The following PPP4R3A variants were observed in gnomAD, a reference collection of about 807,000 sequenced individuals.
PPP4R3A encodes the protein protein phosphatase 4 regulatory subunit 3A.
A neutral mutation model predicts 91.7 loss-of-function variants in PPP4R3A; 15 were observed. That is an observed-to-expected ratio of 0.16 (90% CI 0.11 to 0.25). The LOEUF (loss-of-function observed/expected upper bound fraction) is 0.25. Ranked by LOEUF, PPP4R3A falls within the 10% of genes least tolerant of loss-of-function variation. PPP4R3A has a pLI of 1.00. For missense variants in PPP4R3A, 623 were observed against 998.4 expected (o/e 0.62, Z 5.07); for synonymous variants, 377 against 348.7 (o/e 1.08, Z -0.91).
At chr14:91,460,637 C>T (rs1252334229) in intron 14 of PPP4R3A, among the ~76,000 whole-genome samples, 40 of 111,256 alleles carry the variant, frequency 3.6e-4, no homozygotes, top group African/African-American at 7.9e-4. Flanking sequence ...GATTTTGTTC[C>T]TTTTTTTTTT....
intron 3 of PPP4R3A, among the ~76,000 whole-genome samples, chr14:91,484,955 T>C (rs987384664): frequency 6.6e-6 from 1 of 151,890 alleles, no homozygotes; most frequent in Non-Finnish European, 1.5e-5. Flanking sequence ...ATTAAGAACA[T>C]TCGAGCCTAG....
rs1887871087 is a variant in PPP4R3A at position 91,458,011 on chromosome 14, T to C, written c.*748A>G. On this transcript the variant is annotated 3_prime_UTR_variant, in exon 15 of 15. Coordinates refer to ENST00000554943, the MANE Select transcript of PPP4R3A (RefSeq NM_001366432.2). ...CAGGTACCAGCACAACGTTAGGTTA[T>C]ATTACATCAAAAAAAGTTTTAATGG... is the stretch of plus-strand genomic sequence containing the variant. 6.6e-6 allele frequency: 1 copy of C among 152,496 alleles called. No homozygotes were observed. Among genetic ancestry groups the C allele is most frequent in the Admixed American group, 6.5e-5 (1 of 15,268 alleles). The allele number at this position is 152,496 out of a possible 1,614,324, so 9.4% of individuals were successfully genotyped here.
At chr14:91,475,580 C>CA (rs964892758) in intron 7 of PPP4R3A, 619 of 287,084 alleles carry the variant, frequency 2.2e-3, no homozygotes, top group East Asian at 3.1e-3. Flanking sequence ...CAAAACAAAA[C>CA]AAAAAAAAAC....
rs1887939627 is a variant in PPP4R3A, at chr14:91,458,885, GATTA to G, written c.2392-20_2392-17del. The G allele has an allele frequency of 1.3e-6, 2 of 1,582,856 alleles. No homozygotes were observed. Among genetic ancestry groups the G allele is most frequent in the Middle Eastern group, 2.0e-4 (1 of 4,988 alleles). Reference sequence around the variant, plus strand: ...CGAGGCCTCCCTGTTAAGAAATAAGGATTATTTAAAGAACAGAAAATAAAACATA... The same window carrying G: ...CGAGGCCTCCCTGTTAAGAAATAAGGTTTAAAGAACAGAAAATAAAACATA... On this transcript the variant is annotated splice_polypyrimidine_tract_variant and intron_variant, in intron 14 of 14. Coordinates refer to ENST00000554943, the MANE Select transcript of PPP4R3A (RefSeq NM_001366432.2).
intron 1 of PPP4R3A, among the ~76,000 whole-genome samples, chr14:91,495,864 A>T (rs1410669137): frequency 2.6e-5 from 4 of 152,284 alleles, no homozygotes; most frequent in South Asian, 2.1e-4. Context: ...GGTTGCAGTG[A>T]GCCAAGATCA....
In PPP4R3A at chr14:91,497,341, TACACACACACACAC is replaced by T. The variant is rs10542688; in HGVS notation, c.143-6553_143-6540del. On this transcript the variant is annotated intron_variant, in intron 1 of 14. Transcript: ENST00000554943. ...TATCTCCCAAGAGGAATCTTTTATT[TACACACACACACAC>T]ACACACACACACACACACACACACG... is the stretch of plus-strand genomic sequence containing the variant. Among the ~76,000 whole-genome samples the T allele has an allele frequency of 4.0e-3, 598 of 148,506 alleles. 8 individuals carry two copies. Among genetic ancestry groups the T allele is most frequent in the East Asian group, 0.014 (68 of 4,996 alleles).
intron 11 of PPP4R3A, among the ~76,000 whole-genome samples, chr14:91,463,861 G>C (rs1888312533): frequency 6.6e-6 from 1 of 152,122 alleles, no homozygotes; most frequent in Non-Finnish European, 1.5e-5. Flanking sequence ...CATCACCCAG[G>C]TAGTAAGCAC....
At chr14:91,492,946 G>A (rs1366339361) in intron 1 of PPP4R3A, among the ~76,000 whole-genome samples, 1 of 152,164 alleles carries the variant, frequency 6.6e-6, no homozygotes. Flanking sequence ...GCAGCAGGTG[G>A]CCAGGTGCGG....
intron 1 of PPP4R3A, 142 bp downstream of exon 1, chr14:91,509,364 G>T: frequency 8.4e-7 from 1 of 1,191,978 alleles, no homozygotes; most frequent in Non-Finnish European, 1.2e-6. Context: ...GGGGTACCTG[G>T]GGCCCGTCCT....
chr14:91,497,349 CACACACACA>C (rs1890640133), intron 1 of PPP4R3A, among the ~76,000 whole-genome samples: 1 of 19,376 alleles, frequency 5.2e-5, no homozygotes, highest in Non-Finnish European at 1.4e-4. Context: ...TTTACACACA[CACACACACA>C]CACACACACA....
At chr14:91,489,728 C>G (rs1015222613) in intron 2 of PPP4R3A, among the ~76,000 whole-genome samples, 1 of 152,158 alleles carries the variant, frequency 6.6e-6, no homozygotes, top group Admixed American at 6.5e-5. Context: ...ATTCCAGGCT[C>G]TAGATTTTTC....
At chr14:91,470,767 T>A in intron 10 of PPP4R3A, 70 bp downstream of exon 10, 1 of 1,538,214 alleles carries the variant, frequency 6.5e-7, no homozygotes, top group South Asian at 1.2e-5. Context: ...GGTCTTTTCA[T>A]TTGGGCAATA....
intron 1 of PPP4R3A, among the ~76,000 whole-genome samples, chr14:91,495,602 T>A (rs1288066612): frequency 6.6e-6 from 1 of 152,004 alleles, no homozygotes. Context: ...AAAATTAGAT[T>A]GTGGTGATGG....
rs1026303569 is a variant in PPP4R3A, at chr14:91,504,559, G to A, written c.142+4947C>T. Among the ~76,000 whole-genome samples the A allele has an allele frequency of 2.0e-5, 3 of 151,104 alleles. No homozygotes were observed. The East Asian group carries it at 5.8e-4, about 29-fold the overall frequency. Reference sequence around the variant, plus strand: ...GGAGGTTGCAGTGAGCCGAGATTGTGCCATTGCACTCCGGCCTAAGTGACA... The same window carrying A: ...GGAGGTTGCAGTGAGCCGAGATTGTACCATTGCACTCCGGCCTAAGTGACA... On this transcript the variant is annotated intron_variant, in intron 1 of 14. Transcript: ENST00000554943.
rs1025873617 is a variant in PPP4R3A, at chr14:91,473,356, G to C, written c.1281C>G (p.Ile427Met). The C allele has an allele frequency of 6.2e-7, 1 of 1,611,690 alleles. No homozygotes were observed. The highest frequency in any genetic ancestry group is 1.7e-5 in the Admixed American group (1 of 59,384). Residue 427 changes from isoleucine to methionine, a missense_variant, in exon 8 of 15, where the codon ATC (isoleucine) becomes ATG (methionine). Physicochemically the swap from Ile to Met is conservative, Grantham distance 10. Coordinates refer to ENST00000554943, the MANE Select transcript of PPP4R3A (RefSeq NM_001366432.2). ...AAATCATATGTTCTATAATGAGGTT[G>C]ATGAGCAAAATATCCTGGAGAGAAA... ...QKITSKDILL[I>M]NLIIEHMICD...
chr14:91,470,099 AAATT>A (rs755009445), intron 10 of PPP4R3A, among the ~76,000 whole-genome samples: 1 of 152,074 alleles, frequency 6.6e-6, no homozygotes, highest in Non-Finnish European at 1.5e-5. Flanking sequence ...CAAAGGGCAA[AAATT>A]AAATTACCAC....
intron 10 of PPP4R3A, among the ~76,000 whole-genome samples, chr14:91,468,665 C>A (rs1207712503): frequency 1.1e-3 from 3 of 2,724 alleles, no homozygotes; most frequent in African/African-American, 2.9e-3. Flanking sequence ...GAGACTCCGT[C>A]TCAAAAAAAA....
At chr14:91,465,569 AAAGAT>A (rs1442575965) in intron 10 of PPP4R3A, 150 bp from the exon 11 acceptor site, 3 of 588,836 alleles carry the variant, frequency 5.1e-6, no homozygotes, top group East Asian at 3.3e-5. Context: ...CTGTGAACCT[AAAGAT>A]AAGGATTATG....
rs545017792 is a variant in PPP4R3A at position 91,479,210 on chromosome 14, C to T, written c.916-2224G>A. On this transcript the variant is annotated intron_variant, in intron 4 of 14. Transcript: ENST00000554943. ...GTTGGTCAGGCTGGTCTCGAACTCC[C>T]GACCTCAAGTGATCCACCCACCTCA... 3.3e-5 allele frequency among the ~76,000 whole-genome samples: 5 copies of T among 151,428 alleles called. No individual in the cohort carries two copies. In the South Asian group the frequency reaches 8.4e-4, roughly 25 times the overall value.
Sources: allele counts gnomAD v4.1 joint callset (sites outside exome capture counted in the v4.1 genomes callset), GRCh38; gene constraint gnomAD v4.1.1; transcripts MANE v1.5; gene names NCBI Gene and HGNC (gene_info 2026-07-23, HGNC 2026-07-21).